Variants in UCHL1 observed in about 807,000 individuals in gnomAD.
UCHL1 encodes ubiquitin C-terminal hydrolase L1, also known as ubiquitin carboxyl-terminal hydrolase isozyme L1.
In UCHL1, 5 loss-of-function variants were observed where a neutral mutation model predicts 33.3. That is an observed-to-expected ratio of 0.15 (90% CI 0.08 to 0.32). The LOEUF (loss-of-function observed/expected upper bound fraction) is 0.32, where lower values mean the gene tolerates loss of function less well. Among genes scored for constraint, UCHL1 ranks in the 10% least tolerant of loss-of-function variants. The pLI, the probability that UCHL1 is intolerant of heterozygous loss-of-function variation, is 1.00. For synonymous variants in UCHL1, 132 were observed against 108.8 expected (o/e 1.21, Z -1.33); for missense variants, 236 against 280.0 (o/e 0.84, Z 1.12).
At position 41,267,629 on chromosome 4, in the gene UCHL1, T is replaced by G. The variant is rs528621339; in HGVS notation, c.586-358T>G. The stretch of plus-strand genomic sequence containing the variant: ...TTTCTGAGTTACAACTTTTCACTTA[T>G]GCCACCTTATGGAAGAAAGATCAAT... On this transcript the variant is annotated intron_variant, in intron 8 of 8. Coordinates refer to ENST00000284440, the MANE Select transcript of UCHL1 (RefSeq NM_004181.5). Among the ~76,000 whole-genome samples the G allele has an allele frequency of 2.6e-5, 4 of 152,364 alleles. No individual in the cohort carries two copies. The South Asian group carries it at 8.3e-4, about 32-fold the overall frequency.
chr4:41,260,784 C>A lies in UCHL1; in HGVS notation c.312C>A (p.Asp104Glu). ...TTCACGCAGTGGCCAATAATCAAGA[C>A]AAACTGGGATTTGGTAGGTGTGGGT... Reference protein sequence around the residue: ...GLIHAVANNQDKLGFEDGSVL... With the variant: ...GLIHAVANNQEKLGFEDGSVL... The change falls in exon 4 of 9, where the codon GAC becomes GAA. Residue 104 changes from aspartate to glutamate, a missense_variant. By Grantham distance (45) the Asp-to-Glu change is conservative. Coordinates refer to ENST00000284440, the MANE Select transcript of UCHL1 (RefSeq NM_004181.5). 1 of 1,614,148 alleles carries A rather than the reference C, an allele frequency of 6.2e-7. No homozygotes were observed. Among genetic ancestry groups the A allele is most frequent in the Non-Finnish European group, 8.5e-7 (1 of 1,180,026 alleles).
At chr4:41,260,476 G>A (rs1347004128) in intron 3 of UCHL1, among the ~76,000 whole-genome samples, 171 bp from the exon 4 acceptor site, 2 of 152,206 alleles carry the variant, frequency 1.3e-5, no homozygotes, top group African/African-American at 4.8e-5. Context: ...GGCGTGGGTG[G>A]TGTGGGAGGC....
chr4:41,266,795 T>A (rs545494657), intron 8 of UCHL1, among the ~76,000 whole-genome samples: 1 of 152,212 alleles, frequency 6.6e-6, no homozygotes, highest in South Asian at 2.1e-4. Flanking sequence ...AATTTTTAAA[T>A]TTTTAGTAGA....
chr4:41,257,155 C>T (rs1236450430), intron 2 of UCHL1, 29 bp downstream of exon 2: 1 of 1,611,924 alleles, frequency 6.2e-7, no homozygotes. Context: ...CGTCTCTGGC[C>T]CCCTCCCCCG....
At chr4:41,257,556 G>A (rs1780999129) in intron 2 of UCHL1, 53 bp from the exon 3 acceptor site, 5 of 1,450,676 alleles carry the variant, frequency 3.4e-6, no homozygotes, top group Non-Finnish European at 4.5e-6. Flanking sequence ...CCTGGCAGGT[G>A]CCCGCGACCC....
In UCHL1 at chr4:41,257,410, C is replaced by T. The variant is rs143327054; in HGVS notation, c.46-199C>T. ...GGCAGCACAGACTCGGCTGCACGGGCTTCGCGGGCGCCACGTGTGGGCCGC... is the reference window on the plus strand; with the variant it reads ...GGCAGCACAGACTCGGCTGCACGGGTTTCGCGGGCGCCACGTGTGGGCCGC... On this transcript the variant is annotated intron_variant, in intron 2 of 8. Coordinates refer to ENST00000284440, the MANE Select transcript of UCHL1 (RefSeq NM_004181.5). The T allele has an allele frequency of 5.1e-5, 46 of 909,274 alleles. No individual in the cohort carries two copies. The East Asian group carries it at 1.0e-3, about 20-fold the overall frequency. The allele number at this position is 909,274 out of a possible 1,614,324, so 56.3% of individuals were successfully genotyped here.
chr4:41,263,527 A>G (rs1367863387), intron 7 of UCHL1, among the ~76,000 whole-genome samples: 1 of 152,238 alleles, frequency 6.6e-6, no homozygotes, highest in Non-Finnish European at 1.5e-5. Context: ...TACGTCTGAA[A>G]AAGGATCAGT....
chr4:41,260,833 T>G, intron 4 of UCHL1, 36 bp downstream of exon 4: 2 of 1,614,008 alleles, frequency 1.2e-6, no homozygotes, highest in Non-Finnish European at 1.7e-6. Context: ...ATCCTAAGCT[T>G]GAACTTGAAA....
intron 6 of UCHL1, 99 bp downstream of exon 6, chr4:41,262,022 T>C (rs757499033): frequency 1.3e-6 from 2 of 1,519,570 alleles, no homozygotes; most frequent in Non-Finnish European, 8.9e-7. Flanking sequence ...GCAAATGTTA[T>C]CCACCCAAGG....
In UCHL1 at chr4:41,268,306, A is replaced by G; in HGVS notation, c.*233A>G. The G allele has an allele frequency of 1.7e-6, 1 of 586,004 alleles. No individual in the cohort carries two copies. The highest frequency in any genetic ancestry group is 3.0e-6 in the Non-Finnish European group (1 of 328,834). 36.3% of individuals were successfully genotyped at this position (586,004 alleles called of 1,614,324 possible). On this transcript the variant is annotated 3_prime_UTR_variant, in exon 9 of 9. Transcript: ENST00000284440. ...GATGGTGAAGCATTCTCCCCAGTGT[A>G]TGTCTTGTATCCGATATCTAACGCT...
rs1340962799 is a variant in UCHL1, at chr4:41,263,265, A to G, written c.500A>G (p.Asn167Ser). 6.2e-7 allele frequency: 1 copy of G among 1,614,152 alleles called. No homozygotes were observed. The highest frequency in any genetic ancestry group is 8.5e-7 in the Non-Finnish European group (1 of 1,180,018). Residue 167 changes from asparagine to serine, a missense_variant, in exon 7 of 9, where the codon AAC (asparagine) becomes AGC (serine). Physicochemically the swap from Asn to Ser is conservative, Grantham distance 46. Coordinates refer to ENST00000284440, the MANE Select transcript of UCHL1 (RefSeq NM_004181.5). ...AATTTCCATTTTATTCTGTTTAACAACGTGGATGGCCACCTCTATGAACTT... is the reference window on the plus strand; with the variant it reads ...AATTTCCATTTTATTCTGTTTAACAGCGTGGATGGCCACCTCTATGAACTT... ...KVNFHFILFN[N>S]VDGHLYELDG... is the part of the protein sequence containing the mutation.
In UCHL1 at chr4:41,268,300, C is replaced by G. The variant is rs535206351; in HGVS notation, c.*227C>G. The stretch of plus-strand genomic sequence containing the variant: ...GCTTCAGATGGTGAAGCATTCTCCC[C>G]AGTGTATGTCTTGTATCCGATATCT... On this transcript the variant is annotated 3_prime_UTR_variant, in exon 9 of 9. Coordinates refer to ENST00000284440, the MANE Select transcript of UCHL1 (RefSeq NM_004181.5). The G allele has an allele frequency of 1.7e-6, 1 of 595,076 alleles. No homozygotes were observed. Among genetic ancestry groups the G allele is most frequent in the South Asian group, 2.0e-5 (1 of 50,342 alleles). The allele number at this position is 595,076 out of a possible 1,614,324, so 36.9% of individuals were successfully genotyped here.
chr4:41,264,196 T>TCACAATTC, intron 8 of UCHL1, 35 bp downstream of exon 8: 1 of 1,613,428 alleles, frequency 6.2e-7, no homozygotes, highest in Non-Finnish European at 8.5e-7. Flanking sequence ...TTAATGTGCC[T>TCACAATTC]CACAATTCTT....
At position 41,263,088 on chromosome 4, in the gene UCHL1, T is replaced by C. The variant is rs1781099260; in HGVS notation, c.460-137T>C. ...TACCTTAGTGGGCTTAGAATAGGGC[T>C]TAATGTAAGACATACATTAAATATT... On this transcript the variant is annotated intron_variant, in intron 6 of 8. Coordinates refer to ENST00000284440, the MANE Select transcript of UCHL1 (RefSeq NM_004181.5). 31 of 719,296 alleles carry C rather than the reference T, an allele frequency of 4.3e-5. No homozygotes were observed. In the South Asian group the frequency reaches 4.7e-4, roughly 11 times the overall value. 44.6% of individuals were successfully genotyped at this position (719,296 alleles called of 1,614,324 possible).
intron 3 of UCHL1, among the ~76,000 whole-genome samples, chr4:41,259,161 C>T (rs1781031243): frequency 6.6e-6 from 1 of 152,214 alleles, no homozygotes; most frequent in Admixed American, 6.5e-5. Flanking sequence ...TTATCGAGCG[C>T]CTATTCTGCT....
chr4:41,261,427 A>G (rs1035047796), intron 4 of UCHL1, among the ~76,000 whole-genome samples: 1 of 152,184 alleles, frequency 6.6e-6, no homozygotes, highest in Admixed American at 6.5e-5. Context: ...AGGAGATTTG[A>G]GAGATGAGTG....
At chr4:41,260,421 C>T (rs1580924614) in intron 3 of UCHL1, among the ~76,000 whole-genome samples, 1 of 152,216 alleles carries the variant, frequency 6.6e-6, no homozygotes, top group African/African-American at 2.4e-5. Flanking sequence ...CACTGCACTG[C>T]AGCACCAGGG....
Position 41,257,753 on chromosome 4 carries a change from C to T in UCHL1, c.174+16C>T, listed in dbSNP as rs1337427002. 6 of 1,563,366 alleles carry T rather than the reference C, an allele frequency of 3.8e-6. No homozygotes were observed. The highest frequency in any genetic ancestry group is 2.7e-5 in the African/African-American group (2 of 73,762). ...CACGGCCCAGGTAGGGCGTGGGGCCCAGGATGCGCCGGCCGCCGGCAGTGC... is the reference window on the plus strand; with the variant it reads ...CACGGCCCAGGTAGGGCGTGGGGCCTAGGATGCGCCGGCCGCCGGCAGTGC... On this transcript the variant is annotated intron_variant, in intron 3 of 8. Coordinates refer to ENST00000284440, the MANE Select transcript of UCHL1 (RefSeq NM_004181.5).
intron 8 of UCHL1, chr4:41,264,458 GTCCTCCCA>G: frequency 2.1e-6 from 1 of 471,802 alleles, no homozygotes; most frequent in Non-Finnish European, 3.9e-6. Context: ...GGTGACCATT[GTCCTCCCA>G]TCAGATTACA....
Sources: gnomAD v4.1 joint callset for allele counts (sites outside exome capture counted in the v4.1 genomes callset) on GRCh38, gnomAD v4.1.1 for gene constraint, MANE v1.5 for transcripts, NCBI Gene and HGNC (gene_info 2026-07-23, HGNC 2026-07-21) for gene names.